Variants in CBFA2T2 observed in about 807,000 individuals in gnomAD.
The protein encoded by CBFA2T2 is protein CBFA2T2.
Under a neutral mutation model 62.2 loss-of-function variants are expected in CBFA2T2, and 11 were observed. The observed-to-expected ratio is 0.18, with a 90% CI of 0.11 to 0.29. The LOEUF (loss-of-function observed/expected upper bound fraction) is 0.29, where lower values mean the gene tolerates loss of function less well. Ranked by LOEUF, CBFA2T2 falls within the 10% of genes least tolerant of loss-of-function variation. The pLI is 1.00. For missense variants in CBFA2T2, 592 were observed against 774.1 expected (o/e 0.76, Z 2.79); for synonymous variants, 295 against 287.5 (o/e 1.03, Z -0.27).
intron 1 of CBFA2T2, among the ~76,000 whole-genome samples, chr20:33,545,365 G>A (rs1354141136): frequency 6.6e-6 from 1 of 152,142 alleles, no homozygotes; most frequent in Non-Finnish European, 1.5e-5. Flanking sequence ...GAAATAAAAT[G>A]CAAGTTATTA....
intron 8 of CBFA2T2, among the ~76,000 whole-genome samples, chr20:33,633,953 A>C (rs1052304294): frequency 6.6e-6 from 1 of 152,006 alleles, no homozygotes; most frequent in Non-Finnish European, 1.5e-5. Flanking sequence ...TTTGCAAGTA[A>C]AATTTTTTTT....
chr20:33,600,458 G>A (rs1024659070), intron 1 of CBFA2T2: 5 of 407,822 alleles, frequency 1.2e-5, no homozygotes, highest in South Asian at 8.5e-5. Context: ...AACGTGCTGG[G>A]ATTACAGGTA....
chr20:33,496,995 C>T (rs574027450), intron 1 of CBFA2T2, among the ~76,000 whole-genome samples: 40 of 152,106 alleles, frequency 2.6e-4, no homozygotes, highest in African/African-American at 8.9e-4. Flanking sequence ...TCCTCTCGGC[C>T]GGGTGCGGTG....
At chr20:33,550,432 TAA>T (rs1292946673) in intron 1 of CBFA2T2, among the ~76,000 whole-genome samples, 1 of 152,204 alleles carries the variant, frequency 6.6e-6, no homozygotes, top group African/African-American at 2.4e-5. Flanking sequence ...CTTTCTAAGC[TAA>T]TGCTTTGTGG....
chr20:33,543,308 C>A (rs2012455432), intron 1 of CBFA2T2, among the ~76,000 whole-genome samples: 1 of 151,980 alleles, frequency 6.6e-6, no homozygotes. Flanking sequence ...CCGTGCCCGG[C>A]GAAAAATTAT....
chr20:33,529,268 G>A (rs566404903), intron 1 of CBFA2T2, among the ~76,000 whole-genome samples: 1 of 151,828 alleles, frequency 6.6e-6, no homozygotes, highest in South Asian at 2.1e-4. Context: ...CTCGTGATCC[G>A]CCCACCTCGG....
At chr20:33,564,891 T>A (rs911696761) in intron 1 of CBFA2T2, among the ~76,000 whole-genome samples, 1 of 152,148 alleles carries the variant, frequency 6.6e-6, no homozygotes, top group Non-Finnish European at 1.5e-5. Flanking sequence ...AAGGAGACTT[T>A]TAAAATGGAA....
chr20:33,538,650 G>T (rs957442783), intron 1 of CBFA2T2, among the ~76,000 whole-genome samples: 1 of 152,186 alleles, frequency 6.6e-6, no homozygotes, highest in Non-Finnish European at 1.5e-5. Context: ...ACAGGCATGA[G>T]CCACCGTCCC....
chr20:33,619,030 C>A (rs942173967), intron 3 of CBFA2T2, among the ~76,000 whole-genome samples: 1 of 152,108 alleles, frequency 6.6e-6, no homozygotes, highest in Admixed American at 6.6e-5. Flanking sequence ...CTTTGCCAGG[C>A]GTCTGAGTTC....
chr20:33,515,615 A>G (rs966847126), intron 1 of CBFA2T2, among the ~76,000 whole-genome samples: 3 of 151,882 alleles, frequency 2.0e-5, no homozygotes, highest in African/African-American at 7.3e-5. Context: ...CAGCCTGACA[A>G]ACATGGCGAA....
chr20:33,512,050 G>T (rs761538096), intron 1 of CBFA2T2, among the ~76,000 whole-genome samples: 2 of 152,192 alleles, frequency 1.3e-5, no homozygotes, highest in African/African-American at 4.8e-5. Context: ...GGTGGCATGC[G>T]CCTGTAGGCC....
intron 1 of CBFA2T2, among the ~76,000 whole-genome samples, chr20:33,525,779 G>A (rs1049478444): frequency 6.6e-6 from 1 of 152,046 alleles, no homozygotes; most frequent in African/African-American, 2.4e-5. Context: ...AGCCTCCCAA[G>A]TAGCTGGAAC....
chr20:33,607,217 A>T, intron 2 of CBFA2T2, 118 bp downstream of exon 2: 1 of 816,708 alleles, frequency 1.2e-6, no homozygotes, highest in Non-Finnish European at 1.8e-6. Context: ...TATTGAAAAT[A>T]TAGACACAGA....
intron 1 of CBFA2T2, among the ~76,000 whole-genome samples, chr20:33,538,944 A>G (rs2012337802): frequency 6.6e-6 from 1 of 151,924 alleles, no homozygotes; most frequent in Admixed American, 6.6e-5. Flanking sequence ...TCAGGGCCAT[A>G]TCATAATTCC....
At chr20:33,501,939 C>A (rs1399889899) in intron 1 of CBFA2T2, among the ~76,000 whole-genome samples, 3 of 70,214 alleles carry the variant, frequency 4.3e-5, no homozygotes, top group Non-Finnish European at 8.4e-5. Flanking sequence ...TGCGCCTGGC[C>A]TAATTACAAA....
At chr20:33,545,269 T>C (rs147840313) in intron 1 of CBFA2T2, among the ~76,000 whole-genome samples, 210 of 152,284 alleles carry the variant, frequency 1.4e-3, no homozygotes, top group African/African-American at 4.8e-3. Context: ...GGAAAGGTGA[T>C]TGCTTGATCA....
At chr20:33,642,274 C>T (rs913296656) in intron 10 of CBFA2T2, among the ~76,000 whole-genome samples, 1 of 152,004 alleles carries the variant, frequency 6.6e-6, no homozygotes, top group Non-Finnish European at 1.5e-5. Flanking sequence ...GCATGAGCCA[C>T]CACGCCCAGC....
chr20:33,637,587 G>C (rs2016673414), intron 9 of CBFA2T2, among the ~76,000 whole-genome samples: 1 of 151,962 alleles, frequency 6.6e-6, no homozygotes. Flanking sequence ...AGACCTTGTT[G>C]ATGACACTCA....
intron 5 of CBFA2T2, chr20:33,624,102 C>A: frequency 2.0e-6 from 1 of 498,072 alleles, no homozygotes; most frequent in Non-Finnish European, 3.5e-6. Context: ...AATGACTCAC[C>A]TTTACTGAGA....
Sources: gnomAD v4.1 joint callset for allele counts (sites outside exome capture counted in the v4.1 genomes callset) on GRCh38, gnomAD v4.1.1 for gene constraint, MANE v1.5 for transcripts, NCBI Gene and HGNC (gene_info 2026-07-23, HGNC 2026-07-21) for gene names.